ASAP1: variants seen among roughly 807,000 people sequenced by gnomAD.
ASAP1 encodes arf-GAP with SH3 domain, ANK repeat and PH domain-containing protein 1.
Under a neutral mutation model 145.2 loss-of-function variants are expected in ASAP1, and 43 were observed. The ratio of observed to expected loss-of-function variants is 0.30; its 90% confidence interval spans 0.23 to 0.38. The LOEUF (loss-of-function observed/expected upper bound fraction) is 0.38, where lower values mean the gene tolerates loss of function less well. ASAP1 is among the 10% of genes least tolerant of loss of function. The pLI, the probability that ASAP1 is intolerant of heterozygous loss-of-function variation, is 1.00. For missense variants in ASAP1, 1,018 were observed against 1,355.3 expected (o/e 0.75, Z 3.91); for synonymous variants, 546 against 515.5 (o/e 1.06, Z -0.80).
intron 27 of ASAP1, among the ~76,000 whole-genome samples, chr8:130,072,220 C>G (rs576574270): frequency 2.0e-4 from 30 of 152,306 alleles, no homozygotes; most frequent in Non-Finnish European, 4.1e-4. Flanking sequence ...GGCTTGGAAG[C>G]TCTGCACCTG....
At chr8:130,085,142 A>AG (rs1386724263) in intron 25 of ASAP1, among the ~76,000 whole-genome samples, 1 of 152,012 alleles carries the variant, frequency 6.6e-6, no homozygotes, top group African/African-American at 2.4e-5. Flanking sequence ...GGGCCAGGGG[A>AG]GGGGGGAAAT....
rs918603697 is a variant in ASAP1 at position 130,433,188 on chromosome 8, T to C, written c.-28+10272A>G. 4.7e-4 allele frequency among the ~76,000 whole-genome samples: 71 copies of C among 152,240 alleles called. 1 individual carries two copies. The highest frequency in any genetic ancestry group is 7.3e-5 in the Non-Finnish European group (5 of 68,030). ...TCTGTATCAGTGGAGGCATAGGAAG[T>C]AGCAGGGATGACTGCATTTCAGACA... On this transcript the variant is annotated intron_variant, in intron 1 of 29. Transcript: ENST00000518721.
chr8:130,105,667 T>G (rs904255850), intron 24 of ASAP1, among the ~76,000 whole-genome samples: 22 of 152,150 alleles, frequency 1.4e-4, no homozygotes, highest in African/African-American at 5.3e-4. Context: ...AACCGTATAA[T>G]TATACAAAGA....
At chr8:130,118,025 A>G (rs1011783835) in intron 20 of ASAP1, 136 bp downstream of exon 20, 3 of 633,074 alleles carry the variant, frequency 4.7e-6, no homozygotes, top group Non-Finnish European at 7.7e-6. Context: ...ATGCCTGCAA[A>G]GCCAAAAATA....
chr8:130,293,618 C>T (rs1399791530), intron 3 of ASAP1, among the ~76,000 whole-genome samples: 4 of 152,216 alleles, frequency 2.6e-5, no homozygotes, highest in Admixed American at 2.6e-4. Flanking sequence ...AGCCCCAGAG[C>T]TGGCTGGAGG....
chr8:130,310,117 TGGGG>T (rs1823243771), intron 3 of ASAP1, among the ~76,000 whole-genome samples: 1 of 95,434 alleles, frequency 1.0e-5, no homozygotes, highest in Non-Finnish European at 1.9e-5. Flanking sequence ...ATCTACAAAA[TGGGG>T]CTAATACAGT....
At chr8:130,319,762 G>C (rs1823885974) in intron 3 of ASAP1, among the ~76,000 whole-genome samples, 1 of 152,198 alleles carries the variant, frequency 6.6e-6, no homozygotes, top group Non-Finnish European at 1.5e-5. Flanking sequence ...TATGAATAAA[G>C]TAGGTGAAGC....
Position 130,116,914 on chromosome 8 carries a change from C to A in ASAP1, c.1962G>T (p.Lys654Asn). Residue 654 changes from lysine (K) to asparagine (N), a missense_variant, in exon 21 of 30, where the codon AAG becomes AAT. By Grantham distance (94) the Lys-to-Asn change is moderately conservative (BLOSUM62 0). Coordinates refer to ENST00000518721, the MANE Select transcript of ASAP1 (RefSeq NM_018482.4). The part of the protein sequence containing the change: ...CSMYSKPECL[K>N]LLLRSKPTVD... ...CAGTGGGCTTGCTCCTGAGCAAAAG[C>A]TTCAAACACTCAGGTTTACTGTACA... is the stretch of plus-strand genomic sequence containing the variant. 6.2e-7 allele frequency: 1 copy of A among 1,614,060 alleles called. No individual in the cohort carries two copies. Among genetic ancestry groups the A allele is most frequent in the Non-Finnish European group, 8.5e-7 (1 of 1,179,966 alleles).
At chr8:130,200,732 T>C (rs1419122186) in intron 5 of ASAP1, among the ~76,000 whole-genome samples, 3 of 152,204 alleles carry the variant, frequency 2.0e-5, no homozygotes, top group Non-Finnish European at 4.4e-5. Flanking sequence ...AATGAAGTGG[T>C]ATTATTTTTG....
At chr8:130,233,939 A>C (rs1262900387) in intron 4 of ASAP1, among the ~76,000 whole-genome samples, 2 of 152,172 alleles carry the variant, frequency 1.3e-5, no homozygotes, top group Non-Finnish European at 1.5e-5. Flanking sequence ...AACAGTTCTT[A>C]ATTTTGGCTG....
chr8:130,115,596 G>T, intron 23 of ASAP1, 32 bp downstream of exon 23: 1 of 1,528,270 alleles, frequency 6.5e-7, no homozygotes, highest in African/African-American at 1.4e-5. Flanking sequence ...TGGGGTAGTT[G>T]TTGAGAATTC....
In ASAP1 at chr8:130,428,757, A is replaced by G. The variant is rs532972441; in HGVS notation, c.-28+14703T>C. On this transcript the variant is annotated intron_variant, in intron 1 of 29. Coordinates refer to ENST00000518721, the MANE Select transcript of ASAP1 (RefSeq NM_018482.4). ...CAACATCACCACCATCAGCAGCACC[A>G]TTATCATCCCCATTACCACCATCAT... 1.4e-5 allele frequency among the ~76,000 whole-genome samples: 2 copies of G among 147,352 alleles called. 1 individual carries two copies. The highest frequency in any genetic ancestry group is 4.4e-4 in the South Asian group (2 of 4,556).
intron 25 of ASAP1, among the ~76,000 whole-genome samples, chr8:130,089,851 AT>A: frequency 6.6e-6 from 1 of 152,380 alleles, no homozygotes; most frequent in South Asian, 2.1e-4. Flanking sequence ...AAAAATTTAA[AT>A]TGTTTTTTAA....
intron 24 of ASAP1, among the ~76,000 whole-genome samples, chr8:130,101,867 C>A (rs766468244): frequency 6.6e-6 from 1 of 150,922 alleles, no homozygotes; most frequent in Non-Finnish European, 1.5e-5. Flanking sequence ...AGCATCACAC[C>A]CGGCTTTTTC....
At chr8:130,133,674 A>G (rs2097587117) in intron 15 of ASAP1, among the ~76,000 whole-genome samples, 1 of 147,394 alleles carries the variant, frequency 6.8e-6, no homozygotes, top group African/African-American at 2.5e-5. Flanking sequence ...AAAACAAACA[A>G]ACAAACAAAC....
chr8:130,300,440 T>A (rs781311639), intron 3 of ASAP1, among the ~76,000 whole-genome samples: 1 of 152,232 alleles, frequency 6.6e-6, no homozygotes, highest in Non-Finnish European at 1.5e-5. Flanking sequence ...GTAGCTGGTA[T>A]AACCATATTG....
intron 2 of ASAP1, among the ~76,000 whole-genome samples, chr8:130,359,848 C>T (rs1283684024): frequency 2.6e-5 from 4 of 152,112 alleles, no homozygotes; most frequent in Non-Finnish European, 4.4e-5. Flanking sequence ...TGGTCTCGAT[C>T]TCCTGACCTC....
At chr8:130,068,091 G>A (rs1251714351) in intron 27 of ASAP1, among the ~76,000 whole-genome samples, 1 of 152,186 alleles carries the variant, frequency 6.6e-6, no homozygotes, top group East Asian at 1.9e-4. Flanking sequence ...GCTGAGATCA[G>A]TTACTAAAGG....
At chr8:130,348,764 CTG>C (rs1232092643) in intron 3 of ASAP1, among the ~76,000 whole-genome samples, 1 of 152,214 alleles carries the variant, frequency 6.6e-6, no homozygotes, top group African/African-American at 2.4e-5. Context: ...GTGCTTCAAA[CTG>C]TAATCAGTAA....
Sources: gnomAD v4.1 joint callset for allele counts (sites outside exome capture counted in the v4.1 genomes callset) on GRCh38, gnomAD v4.1.1 for gene constraint, MANE v1.5 for transcripts, NCBI Gene and HGNC (gene_info 2026-07-23, HGNC 2026-07-21) for gene names.